Variants in COL3A1 observed in about 807,000 individuals in gnomAD.
COL3A1 encodes collagen alpha-1(III) chain.
Under a neutral mutation model 200.9 loss-of-function variants are expected in COL3A1, and 46 were observed. The ratio of observed to expected loss-of-function variants is 0.23; its 90% CI spans 0.18 to 0.29. The LOEUF (loss-of-function observed/expected upper bound fraction) is 0.29, where lower values mean the gene tolerates loss of function less well. Among genes scored for constraint, COL3A1 ranks in the 10% least tolerant of loss-of-function variants. The pLI is 1.00. For missense variants in COL3A1, 1,367 were observed against 1,917.6 expected, an observed-to-expected ratio of 0.71 and a Z score of 5.36; for synonymous variants, 650 against 628.0, an observed-to-expected ratio of 1.03 and a Z score of -0.52.
intron 1 of COL3A1, among the ~76,000 whole-genome samples, chr2:188,982,967 T>C (rs1024784259): frequency 1.3e-5 from 2 of 151,848 alleles, no homozygotes; most frequent in African/African-American, 4.8e-5. Context: ...CACCTGTTAT[T>C]ACTCTTCACA....
chr2:188,987,088 T>C lies in COL3A1; in HGVS notation c.477T>C (p.Asp159=). 6.2e-7 allele frequency: 1 copy of C among 1,613,036 alleles called. No individual in the cohort carries two copies. The highest frequency in any genetic ancestry group is 8.5e-7 in the Non-Finnish European group (1 of 1,179,212). ...ATTCTCCCCAGTATGATTCATATGA[T>C]GTCAAGTCTGGAGTAGCAGTAGGAG... ...QNYSPQYDSY[D]VKSGVAVGGL... Residue 159 remains aspartate, a synonymous_variant, in exon 5 of 51, where the codon GAT becomes GAC. Transcript: ENST00000304636.
At chr2:189,008,253 A>T in intron 47 of COL3A1, 111 bp downstream of exon 47, 1 of 893,044 alleles carries the variant, frequency 1.1e-6, no homozygotes. Flanking sequence ...GCATCCACTC[A>T]ATTTAGAAAC....
rs1218175057 is a variant in COL3A1, at chr2:188,997,480, G to A, written c.1869+91G>A. On this transcript the variant is annotated intron_variant, in intron 26 of 50. Coordinates refer to ENST00000304636, the MANE Select transcript of COL3A1 (RefSeq NM_000090.4). ...AAAATTACATAATCTCTGACACCAT[G>A]TTGTTACAGTTTACCAAAGCAATGA... 55 of 1,318,718 alleles carry A rather than the reference G, an allele frequency of 4.2e-5. 1 individual carries two copies. The South Asian group carries it at 6.2e-4, about 15-fold the overall frequency. 81.7% of individuals were successfully genotyped at this position (1,318,718 alleles called of 1,614,324 possible). A position where few individuals can be genotyped will look rare whatever the true frequency, so the allele number is the denominator to read the frequency against.
At position 188,997,180 on chromosome 2, in the gene COL3A1, A is replaced by G. The variant is rs1435010100; in HGVS notation, c.1777A>G (p.Asn593Asp). 5 of 1,613,862 alleles carry G rather than the reference A, an allele frequency of 3.1e-6. No individual in the cohort carries two copies. The highest frequency in any genetic ancestry group is 1.3e-5 in the African/African-American group (1 of 74,870). Residue 593 changes from asparagine to aspartate, a missense_variant, in exon 25 of 51, where the codon AAT (asparagine) becomes GAT (aspartate). Physicochemically the swap from Asn to Asp is conservative, Grantham distance 23. Transcript: ENST00000304636. ...TCTTCTTTAGGGTGCTCCTGGTAAG[A>G]ATGGAGAACGAGGTGGCCCTGGAGG... ...PKGNDGAPGK[N>D]GERGGPGGPG... is the part of the protein sequence containing the mutation.
chr2:188,985,302 G>C (rs1688042959), intron 3 of COL3A1, 55 bp downstream of exon 3: 2 of 1,438,988 alleles, frequency 1.4e-6, no homozygotes, highest in Non-Finnish European at 2.0e-6. Context: ...ATTCTAGTAA[G>C]AGTTTGCTTT....
At chr2:188,986,534 G>A (rs1021511506) in intron 4 of COL3A1, among the ~76,000 whole-genome samples, 11 of 151,962 alleles carry the variant, frequency 7.2e-5, no homozygotes, top group African/African-American at 2.7e-4. Context: ...AAGCATATGA[G>A]CCTTTCTACT....
At position 189,004,431 on chromosome 2, in the gene COL3A1, A is replaced by G. The variant is rs971472375; in HGVS notation, c.2931+67A>G. The G allele has an allele frequency of 9.1e-6, 13 of 1,423,514 alleles. No homozygotes were observed. In the Admixed American group the frequency reaches 1.2e-4, roughly 13 times the overall value. The allele number at this position is 1,423,514 out of a possible 1,614,324, so 88.2% of individuals were successfully genotyped here. ...TAGCCTTCAGAGATCACTTAACCATATCAAGGATGAAAAGTTTTTCTGTCA... is the reference window on the plus strand; with the variant it reads ...TAGCCTTCAGAGATCACTTAACCATGTCAAGGATGAAAAGTTTTTCTGTCA... On this transcript the variant is annotated intron_variant, in intron 40 of 50. Transcript: ENST00000304636.
chr2:188,991,322 GAAA>G (rs1688183877), intron 11 of COL3A1, among the ~76,000 whole-genome samples, 162 bp from the exon 12 acceptor site: 1 of 151,978 alleles, frequency 6.6e-6, no homozygotes, highest in African/African-American at 2.4e-5. Flanking sequence ...TTTAAATACA[GAAA>G]TTGAGATTTC....
rs768314657 is a variant in COL3A1 at position 188,994,273 on chromosome 2, G to T, written c.1234G>T (p.Ala412Ser). The T allele has an allele frequency of 7.4e-6, 12 of 1,613,836 alleles. No homozygotes were observed. Among genetic ancestry groups the T allele is most frequent in the African/African-American group, 2.7e-5 (2 of 74,908 alleles). The change falls in exon 18 of 51, where the codon GCC (alanine) becomes TCC (serine). Residue 412 changes from alanine (A) to serine (S), a missense_variant. Coordinates refer to ENST00000304636, the MANE Select transcript of COL3A1 (RefSeq NM_000090.4). The surrounding 1 kb of genome is among the most constrained non-coding windows in gnomAD (Gnocchi z 4.5). ...TCCTGGAGCTCCTGGACTGATGGGA[G>T]CCCGGGGTCCTCCAGGACCAGCCGG... ...GIPGAPGLMG[A>S]RGPPGPAGAN...
chr2:189,005,262 T>C, intron 40 of COL3A1, 88 bp from the exon 41 acceptor site: 1 of 1,243,804 alleles, frequency 8.0e-7, no homozygotes, highest in South Asian at 1.2e-5. Flanking sequence ...AAAATAAGTT[T>C]TTTACCTGAA....
In COL3A1 at chr2:188,999,902, A is replaced by G; in HGVS notation, c.2283+7A>G. On this transcript the variant is annotated splice_region_variant and intron_variant, in intron 32 of 50. Coordinates refer to ENST00000304636, the MANE Select transcript of COL3A1 (RefSeq NM_000090.4). ...AGGGAAAGATGGCCCAAGGGTGAGT[A>G]TTCCCAGTGAGGAGAAGCAGGCCTT... The G allele has an allele frequency of 6.3e-7, 1 of 1,585,156 alleles. No homozygotes were observed. The highest frequency in any genetic ancestry group is 8.6e-7 in the Non-Finnish European group (1 of 1,166,322).
chr2:189,002,437 T>C, intron 35 of COL3A1, 86 bp downstream of exon 35: 1 of 1,262,844 alleles, frequency 7.9e-7, no homozygotes, highest in Admixed American at 1.8e-5. Flanking sequence ...TCAAGTTTGG[T>C]TTCTAGTCTC....
Position 188,988,360 on chromosome 2 carries a change from G to A in COL3A1, c.582+226G>A, listed in dbSNP as rs41272807. 5.3e-5 allele frequency among the ~76,000 whole-genome samples: 8 copies of A among 152,194 alleles called. No homozygotes were observed. In the East Asian group the frequency reaches 1.5e-3, roughly 29 times the overall value. ...TGGTAAAATTAAACCACATTAATTT[G>A]CATGTAATATGACTTTTAGTTCAAA... On this transcript the variant is annotated intron_variant, in intron 6 of 50. Transcript: ENST00000304636.
At chr2:188,992,073 A>G in intron 13 of COL3A1, 111 bp from the exon 14 acceptor site, 1 of 977,222 alleles carries the variant, frequency 1.0e-6, no homozygotes, top group South Asian at 1.3e-5. Context: ...AGCAGATTTT[A>G]ATGTACTTGA....
rs28763876 is a variant in COL3A1, at chr2:188,992,983, G to T, written c.1050+43G>T. On this transcript the variant is annotated intron_variant, in intron 15 of 50. Coordinates refer to ENST00000304636, the MANE Select transcript of COL3A1 (RefSeq NM_000090.4). ...TAGAAGGGTATAAAAATATCTTGGA[G>T]GCAAGAGAAAAGCATTAGATTGCTT... 1.7e-3 allele frequency: 2,770 copies of T among 1,584,474 alleles called. 2 individuals carry two copies. Among genetic ancestry groups the T allele is most frequent in the Non-Finnish European group, 2.2e-3 (2,503 of 1,153,266 alleles).
Position 188,994,482 on chromosome 2 carries a change from G to C in COL3A1, c.1294-59G>C, listed in dbSNP as rs1407487928. On this transcript the variant is annotated intron_variant, in intron 18 of 50. Coordinates refer to ENST00000304636, the MANE Select transcript of COL3A1 (RefSeq NM_000090.4). The surrounding 1 kb of genome is among the most constrained non-coding windows in gnomAD (Gnocchi z 4.5). ...CTTATAACTGAATTATGTGTTACTG[G>C]TGATGATTTGTTAGTCGAATCCTCC... 5.7e-6 allele frequency: 9 copies of C among 1,584,092 alleles called. No homozygotes were observed. Among genetic ancestry groups the C allele is most frequent in the East Asian group, 2.2e-5 (1 of 44,718 alleles).
Position 188,996,379 on chromosome 2 carries a change from T to G in COL3A1, c.1663-19T>G, listed in dbSNP as rs367750985. The G allele has an allele frequency of 6.3e-7, 1 of 1,592,964 alleles. No individual in the cohort carries two copies. The highest frequency in any genetic ancestry group is 8.6e-7 in the Non-Finnish European group (1 of 1,161,634). On this transcript the variant is annotated intron_variant, in intron 23 of 50. Transcript: ENST00000304636. ...CTTCTCTTTATCAAACCTTTATTAA[T>G]GTAATTTTTTCTTATTAGGGAAGTC... is the stretch of plus-strand genomic sequence containing the variant.
Position 189,004,383 on chromosome 2 carries a change from C to T in COL3A1, c.2931+19C>T. On this transcript the variant is annotated intron_variant, in intron 40 of 50. Transcript: ENST00000304636. Reference sequence around the variant, plus strand: ...TGTCAAGGTGAGTATAGTCATTTTCCACTACACTCTTCCTTCCTTTGGTAG... The same window carrying T: ...TGTCAAGGTGAGTATAGTCATTTTCTACTACACTCTTCCTTCCTTTGGTAG... 6.4e-7 allele frequency: 1 copy of T among 1,563,606 alleles called. No homozygotes were observed. Among genetic ancestry groups the T allele is most frequent in the Non-Finnish European group, 8.7e-7 (1 of 1,148,930 alleles).
intron 20 of COL3A1, 25 bp from the exon 21 acceptor site, chr2:188,995,021 A>C: frequency 6.2e-7 from 1 of 1,613,172 alleles, no homozygotes; most frequent in Non-Finnish European, 8.5e-7. Context: ...TTTGGACTGA[A>C]ATACTTGTCT....
Sources: allele counts gnomAD v4.1 joint callset (sites outside exome capture counted in the v4.1 genomes callset), GRCh38; gene constraint gnomAD v4.1.1; non-coding constraint Gnocchi (gnomAD v3.1); transcripts MANE v1.5; gene names NCBI Gene and HGNC (gene_info 2026-07-23, HGNC 2026-07-21).